The following NRXN3 variants were observed in gnomAD, a reference collection of about 807,000 sequenced individuals.
NRXN3 encodes the protein neurexin III.
Under a neutral mutation model 137.6 loss-of-function variants are expected in NRXN3, and 32 were observed. The ratio of observed to expected loss-of-function variants is 0.23; its 90% CI spans 0.18 to 0.31. The LOEUF (loss-of-function observed/expected upper bound fraction) is 0.31. NRXN3 is among the 10% of genes least tolerant of loss of function. The probability of loss-of-function intolerance (pLI) is 1.00; values close to 1 mark genes in which losing one functional copy is unlikely to be tolerated. For missense variants in NRXN3, 1,574 were observed against 2,062.5 expected, an observed-to-expected ratio of 0.76 and a Z score of 4.59; for synonymous variants, 798 against 784.5, an observed-to-expected ratio of 1.02 and a Z score of -0.29.
intron 15 of NRXN3, among the ~76,000 whole-genome samples, chr14:79,421,441 C>T (rs1228331101): frequency 6.6e-6 from 1 of 152,086 alleles, no homozygotes; most frequent in Admixed American, 6.6e-5. Context: ...ATTTCTATAA[C>T]TGTACTTATT....
chr14:78,783,684 A>G (rs765540500), intron 8 of NRXN3, among the ~76,000 whole-genome samples: 1 of 152,190 alleles, frequency 6.6e-6, no homozygotes, highest in Non-Finnish European at 1.5e-5. Flanking sequence ...AAAGTTTAAA[A>G]CAATTAAAAA....
chr14:78,557,361 C>T (rs1435642493), intron 4 of NRXN3, among the ~76,000 whole-genome samples: 3 of 151,882 alleles, frequency 2.0e-5, no homozygotes, highest in Middle Eastern at 3.4e-3. Context: ...GCTGAGATCT[C>T]TATCTTTAAT....
intron 16 of NRXN3, among the ~76,000 whole-genome samples, chr14:79,658,191 T>A (rs1486209799): frequency 6.6e-6 from 1 of 152,206 alleles, no homozygotes; most frequent in African/African-American, 2.4e-5. Context: ...ATTCTATTTT[T>A]CCATAAGTCT....
chr14:78,586,746 G>A (rs930045991), intron 4 of NRXN3, among the ~76,000 whole-genome samples: 2 of 152,194 alleles, frequency 1.3e-5, no homozygotes, highest in African/African-American at 4.8e-5. Context: ...CCTTGAAGAA[G>A]AGCCCTTCAG....
intron 8 of NRXN3, among the ~76,000 whole-genome samples, chr14:78,736,924 G>A (rs924626179): frequency 2.6e-5 from 4 of 151,796 alleles, no homozygotes; most frequent in South Asian, 2.1e-4. Flanking sequence ...TGTGACCATC[G>A]ATTGAAAATA....
At chr14:79,578,336 A>G (rs2097684282) in intron 16 of NRXN3, among the ~76,000 whole-genome samples, 1 of 152,170 alleles carries the variant, frequency 6.6e-6, no homozygotes, top group Non-Finnish European at 1.5e-5. Flanking sequence ...TGCTGACAAC[A>G]GAGCTCTCCT....
intron 15 of NRXN3, among the ~76,000 whole-genome samples, chr14:79,096,413 G>A (rs1403387422): frequency 2.0e-5 from 3 of 151,862 alleles, no homozygotes; most frequent in Non-Finnish European, 2.9e-5. Context: ...CCCGGCTTCC[G>A]CCTCTCTTTT....
chr14:78,275,776 G>A (rs1438357424), intron 2 of NRXN3, among the ~76,000 whole-genome samples: 2 of 152,128 alleles, frequency 1.3e-5, no homozygotes, highest in South Asian at 2.1e-4. Flanking sequence ...AGCAAACCAC[G>A]TGGGCTAAGG....
chr14:79,563,085 C>T (rs2097515449), intron 16 of NRXN3, among the ~76,000 whole-genome samples: 1 of 152,172 alleles, frequency 6.6e-6, no homozygotes, highest in African/African-American at 2.4e-5. Flanking sequence ...TCAGCAGTCT[C>T]TCTGAAAAAG....
At chr14:78,528,555 A>C (rs146861839) in intron 4 of NRXN3, among the ~76,000 whole-genome samples, 3,491 of 152,282 alleles carry the variant, frequency 0.023, 64 homozygotes, top group Non-Finnish European at 0.038. Context: ...AGAGCCAAGC[A>C]TGTATAATTT....
At chr14:78,906,170 G>A (rs992234494) in intron 10 of NRXN3, among the ~76,000 whole-genome samples, 2 of 152,040 alleles carry the variant, frequency 1.3e-5, no homozygotes, top group African/African-American at 4.8e-5. Context: ...AAATGGAGCA[G>A]AGATTTCACC....
intron 15 of NRXN3, among the ~76,000 whole-genome samples, chr14:78,993,876 A>ATC (rs771630383): frequency 8.3e-6 from 1 of 119,994 alleles, no homozygotes; most frequent in Non-Finnish European, 1.7e-5. Flanking sequence ...TTGAGACAGA[A>ATC]TCTCTCTCTG....
intron 6 of NRXN3, among the ~76,000 whole-genome samples, chr14:78,667,620 G>GAAATGTGGTC (rs1478429405): frequency 2.6e-5 from 4 of 152,252 alleles, no homozygotes; most frequent in African/African-American, 9.6e-5. Context: ...GACCACAATT[G>GAAATGTGGTC]AAATGTGGTC....
In NRXN3 at chr14:78,904,083, CAT is replaced by C. The variant is rs1175910233; in HGVS notation, c.2276-53157_2276-53156del. Among the ~76,000 whole-genome samples, 8 of 152,006 alleles carry C rather than the reference CAT, an allele frequency of 5.3e-5. No homozygotes were observed. In the South Asian group the frequency reaches 1.7e-3, roughly 32 times the overall value. ...TCTATTTGCAGATGAAACTGTGACTCATAGAGATCAGGCGATATGTCAAGATT... is the reference window on the plus strand; with the variant it reads ...TCTATTTGCAGATGAAACTGTGACTCAGAGATCAGGCGATATGTCAAGATT... On this transcript the variant is annotated intron_variant, in intron 10 of 20. Coordinates refer to ENST00000335750, the MANE Select transcript of NRXN3 (RefSeq NM_001330195.2).
At chr14:79,287,872 G>T (rs949945434) in intron 15 of NRXN3, among the ~76,000 whole-genome samples, 1 of 152,054 alleles carries the variant, frequency 6.6e-6, no homozygotes, top group African/African-American at 2.4e-5. Context: ...GTAGTTTTCT[G>T]CATGGCATGT....
chr14:79,475,344 A>C (rs1054147249), intron 16 of NRXN3, among the ~76,000 whole-genome samples: 4 of 152,164 alleles, frequency 2.6e-5, no homozygotes, highest in Non-Finnish European at 5.9e-5. Flanking sequence ...TTTATGGTTC[A>C]TACAAGAGCC....
chr14:79,135,742 T>C (rs1254775252), intron 15 of NRXN3, among the ~76,000 whole-genome samples: 1 of 152,206 alleles, frequency 6.6e-6, no homozygotes, highest in East Asian at 1.9e-4. Context: ...ATAATTCAAA[T>C]GATAGCTAAT....
rs74063917 is a variant in NRXN3 at position 79,693,745 on chromosome 14, G to A, written c.3706+1483G>A. Among the ~76,000 whole-genome samples, 431 of 151,344 alleles carry A rather than the reference G, an allele frequency of 2.8e-3. 1 individual carries two copies. Among genetic ancestry groups the A allele is most frequent in the African/African-American group, 0.01 (415 of 41,276 alleles). On this transcript the variant is annotated intron_variant, in intron 18 of 20. Transcript: ENST00000335750. ...TTACCCGTTGGCTTTCACATAAAAG[G>A]TGCTTTCAAATATACAAGTTGAGGG...
At chr14:78,578,274 A>C in intron 4 of NRXN3, among the ~76,000 whole-genome samples, 1 of 152,212 alleles carries the variant, frequency 6.6e-6, no homozygotes, top group East Asian at 1.9e-4. Flanking sequence ...GCTCTGCAGA[A>C]TTAGAATAGA....
Sources: allele counts gnomAD v4.1 joint callset (sites outside exome capture counted in the v4.1 genomes callset), GRCh38; gene constraint gnomAD v4.1.1; transcripts MANE v1.5; gene names NCBI Gene and HGNC (gene_info 2026-07-23, HGNC 2026-07-21).